ANKRD17: variants seen among roughly 807,000 people sequenced by gnomAD.
The protein encoded by ANKRD17 is ankyrin repeat domain 17.
Under a neutral mutation model 229.7 loss-of-function variants are expected in ANKRD17, and 19 were observed. The observed-to-expected ratio is 0.08, with a 90% confidence interval of 0.06 to 0.12. The LOEUF (loss-of-function observed/expected upper bound fraction) is 0.12, where lower values mean the gene tolerates loss of function less well. ANKRD17 is among the 10% of genes least tolerant of loss of function. The pLI is 1.00. For synonymous variants in ANKRD17, 1,112 were observed against 1,146.1 expected, an observed-to-expected ratio of 0.97 and a Z score of 0.60; for missense variants, 2,176 against 3,176.8, an observed-to-expected ratio of 0.68 and a Z score of 7.57.
rs752612618 is a variant in ANKRD17, at chr4:73,139,860, TCTCCAA to T, written c.2750_2755del (p.Val917_Gly918del). 2.2e-5 allele frequency: 36 copies of T among 1,614,196 alleles called. No homozygotes were observed. Among genetic ancestry groups the T allele is most frequent in the Non-Finnish European group, 3.0e-5 (35 of 1,180,044 alleles). ...TGCATAGTCTCCCTCAGAAAGCTGC[TCTCCAA>T]CTCCAACAGGAGTTAGTAATCCCAG... On this transcript the variant is annotated inframe_deletion, in exon 15 of 34. Transcript: ENST00000358602.
chr4:73,245,381 G>C (rs1477182370), intron 1 of ANKRD17, among the ~76,000 whole-genome samples: 1 of 152,170 alleles, frequency 6.6e-6, no homozygotes, highest in Non-Finnish European at 1.5e-5. Context: ...CATCCTCAGT[G>C]AGCCTGACCT....
chr4:73,124,451 C>T (rs114483871), intron 18 of ANKRD17, among the ~76,000 whole-genome samples: 2,573 of 152,208 alleles, frequency 0.017, 30 homozygotes, highest in Non-Finnish European at 0.024. Flanking sequence ...GAGAACCTTT[C>T]CTCCAGAGTT....
rs561108799 is a variant in ANKRD17, at chr4:73,193,158, A to C, written c.394-15625T>G. On this transcript the variant is annotated intron_variant, in intron 1 of 33. Coordinates refer to ENST00000358602, the MANE Select transcript of ANKRD17 (RefSeq NM_032217.5). ...CTTTCATTTTTTCCTTTCCAGAATG[A>C]ATGGAATCACAGGTTTCTGAATGTA... Among the ~76,000 whole-genome samples, 3 of 152,330 alleles carry C rather than the reference A, an allele frequency of 2.0e-5. No individual in the cohort carries two copies. The East Asian group carries it at 5.8e-4, about 29-fold the overall frequency.
intron 2 of ANKRD17, among the ~76,000 whole-genome samples, chr4:73,162,058 T>C (rs78147510): frequency 3.6e-4 from 52 of 142,706 alleles, no homozygotes; most frequent in Admixed American, 9.8e-4. Flanking sequence ...CTCTCTCTCT[T>C]TTTTTTTTTT....
intron 27 of ANKRD17, among the ~76,000 whole-genome samples, chr4:73,096,500 G>C (rs142353953): frequency 5.2e-4 from 79 of 152,242 alleles, no homozygotes; most frequent in Non-Finnish European, 9.1e-4. Flanking sequence ...TAGTTACTAA[G>C]TTTGGTTCAC....
rs1159713308 is a variant in ANKRD17 at position 73,184,145 on chromosome 4, C to T, written c.394-6612G>A. 2.0e-5 allele frequency among the ~76,000 whole-genome samples: 3 copies of T among 152,264 alleles called. No homozygotes were observed. The East Asian group carries it at 5.8e-4, about 29-fold the overall frequency. ...ATCGTTAGCATTACATTTCAAACTA[C>T]TCCTCAAGTTAGAAATATTACTGCC... On this transcript the variant is annotated intron_variant, in intron 1 of 33. Transcript: ENST00000358602.
chr4:73,225,384 C>G (rs1324240943), intron 1 of ANKRD17, among the ~76,000 whole-genome samples: 1 of 152,130 alleles, frequency 6.6e-6, no homozygotes, highest in Non-Finnish European at 1.5e-5. Context: ...GTTAATAAAA[C>G]CTTTCACTCT....
chr4:73,174,516 C>T (rs1469197013), intron 2 of ANKRD17, among the ~76,000 whole-genome samples: 1 of 152,180 alleles, frequency 6.6e-6, no homozygotes, highest in Non-Finnish European at 1.5e-5. Context: ...CCCCCAAGAA[C>T]TGGAACAAGA....
Position 73,094,212 on chromosome 4 carries a change from C to A in ANKRD17, c.5194G>T (p.Val1732Phe). Residue 1732 changes from valine (V) to phenylalanine (F), a missense_variant, in exon 28 of 34, where the codon GTT becomes TTT. By Grantham distance (50) the Val-to-Phe change is conservative. Transcript: ENST00000358602. ...EVVRRSKKVS[V>F]PSTVISRVIG... ...ACTCTGGATATCACAGTTGATGGAA[C>A]AGATACTTTCTTTGACCTGTTTAAA... 1.9e-6 allele frequency: 3 copies of A among 1,613,332 alleles called. No individual in the cohort carries two copies. The highest frequency in any genetic ancestry group is 1.7e-6 in the Non-Finnish European group (2 of 1,179,508).
rs759938048 is a variant in ANKRD17, at chr4:73,085,287, G to A, written c.7121C>T (p.Pro2374Leu). The A allele has an allele frequency of 1.9e-5, 31 of 1,613,980 alleles. No individual in the cohort carries two copies. The highest frequency in any genetic ancestry group is 1.9e-4 in the African/African-American group (14 of 74,920). ...AANFNRQHFS[P>L]LSLLTPCSSA... is the part of the protein sequence containing the mutation. ...TGAACACGGAGTCAACAAACTAAGCGGGGAAAAATGTTGTCTGTTAAAGTT... is the reference window on the plus strand; with the variant it reads ...TGAACACGGAGTCAACAAACTAAGCAGGGAAAAATGTTGTCTGTTAAAGTT... Residue 2374 changes from proline (P) to leucine (L), a missense_variant, in exon 30 of 34, where the codon CCG (proline) becomes CTG (leucine). Physicochemically the swap from Pro to Leu is moderately conservative, Grantham distance 98. Coordinates refer to ENST00000358602, the MANE Select transcript of ANKRD17 (RefSeq NM_032217.5).
intron 1 of ANKRD17, among the ~76,000 whole-genome samples, chr4:73,182,128 T>G (rs1367360704): frequency 8.0e-6 from 1 of 124,808 alleles, no homozygotes; most frequent in African/African-American, 3.1e-5. Context: ...TTTATTTGAA[T>G]GAAATATATA....
chr4:73,093,376 C>CTTTT lies in ANKRD17; in HGVS notation c.5327+699_5327+702dup, dbSNP rs11368928. ...TCAGATTCAAATCTGAACTCAAATT[C>CTTTT]TTTTTTTTTTTTTTTTTTTTGAGGG... On this transcript the variant is annotated intron_variant, in intron 28 of 33. Coordinates refer to ENST00000358602, the MANE Select transcript of ANKRD17 (RefSeq NM_032217.5). Among the ~76,000 whole-genome samples the CTTTT allele has an allele frequency of 4.7e-3, 525 of 112,646 alleles. 6 individuals are homozygous for CTTTT. Among genetic ancestry groups the CTTTT allele is most frequent in the African/African-American group, 0.011 (311 of 28,748 alleles). The allele number at this position is 112,646 out of a possible 152,430, so 73.9% of individuals were successfully genotyped here. A position where few individuals can be genotyped will look rare whatever the true frequency, so the allele number is the denominator to read the frequency against.
At chr4:73,171,548 T>C (rs1245606601) in intron 2 of ANKRD17, among the ~76,000 whole-genome samples, 2 of 152,152 alleles carry the variant, frequency 1.3e-5, no homozygotes, top group African/African-American at 4.8e-5. Flanking sequence ...TCAGAAAACA[T>C]GACCTCACCA....
At chr4:73,248,138 T>C (rs143186219) in intron 1 of ANKRD17, among the ~76,000 whole-genome samples, 11 of 152,108 alleles carry the variant, frequency 7.2e-5, no homozygotes, top group African/African-American at 2.4e-4. Context: ...TTTCTTACTA[T>C]AAAACCTTCA....
chr4:73,136,442 A>T (rs570945662), intron 15 of ANKRD17, among the ~76,000 whole-genome samples: 30 of 152,152 alleles, frequency 2.0e-4, no homozygotes, highest in Non-Finnish European at 3.8e-4. Flanking sequence ...TTTACATGAA[A>T]TCCTTAGTTC....
intron 2 of ANKRD17, chr4:73,168,901 A>T (rs1026857007): frequency 6.6e-6 from 1 of 152,176 alleles, no homozygotes; most frequent in Admixed American, 6.5e-5. Context: ...TGAGCATAGT[A>T]TCTGATAAGT....
At chr4:73,170,189 GAA>G (rs2148957650) in intron 2 of ANKRD17, among the ~76,000 whole-genome samples, 1 of 151,998 alleles carries the variant, frequency 6.6e-6, no homozygotes, top group East Asian at 2.0e-4. Flanking sequence ...CTGCTTGAGA[GAA>G]AAGAGCAGAG....
At chr4:73,185,334 CT>C (rs1736152469) in intron 1 of ANKRD17, among the ~76,000 whole-genome samples, 1 of 151,612 alleles carries the variant, frequency 6.6e-6, no homozygotes, top group Non-Finnish European at 1.5e-5. Flanking sequence ...GGAAAATACT[CT>C]ATTTATCACT....
At chr4:73,159,496 T>C (rs897497035) in intron 3 of ANKRD17, among the ~76,000 whole-genome samples, 2 of 152,216 alleles carry the variant, frequency 1.3e-5, no homozygotes, top group Non-Finnish European at 2.9e-5. Flanking sequence ...CCTTAACTAA[T>C]ATAAAAATGT....
Sources: gnomAD v4.1 joint callset for allele counts (sites outside exome capture counted in the v4.1 genomes callset) on GRCh38, gnomAD v4.1.1 for gene constraint, MANE v1.5 for transcripts, NCBI Gene and HGNC (gene_info 2026-07-23, HGNC 2026-07-21) for gene names.